Variants in SNAPC3 observed in about 807,000 individuals in gnomAD.
SNAPC3 encodes the protein snRNA-activating protein complex subunit 3.
In SNAPC3, 56 loss-of-function variants were observed where a neutral mutation model predicts 47.7. The observed-to-expected ratio is 1.18, with a 90% CI of 0.95 to 1.47. The LOEUF (loss-of-function observed/expected upper bound fraction) is 1.47, where lower values mean the gene tolerates loss of function less well. SNAPC3 is among the 40% of genes most tolerant of loss of function. The pLI, the probability that SNAPC3 is intolerant of heterozygous loss-of-function variation, is 0.00. For missense variants in SNAPC3, 665 were observed against 511.3 expected (o/e 1.30, Z -2.90); for synonymous variants, 235 against 189.9 (o/e 1.24, Z -1.95).
chr9:15,432,148 T>G (rs1208934980), intron 2 of SNAPC3: 1 of 152,212 alleles, frequency 6.6e-6, no homozygotes. Context: ...GAAAGCTGGA[T>G]TTCTCACTTG....
chr9:15,458,499 C>G (rs1044032948), intron 8 of SNAPC3, among the ~76,000 whole-genome samples: 5 of 152,210 alleles, frequency 3.3e-5, no homozygotes, highest in African/African-American at 1.2e-4. Context: ...GAGCCATGTT[C>G]TTTCTGCCTC....
At chr9:15,439,094 C>G (rs1476919083) in intron 3 of SNAPC3, among the ~76,000 whole-genome samples, 1 of 152,190 alleles carries the variant, frequency 6.6e-6, no homozygotes. Flanking sequence ...ATTGCTGCCT[C>G]AACCTCCTGT....
At chr9:15,465,586 GA>G, downstream of SNAPC3, 1 of 1,566,456 alleles carries the variant, frequency 6.4e-7, no homozygotes, top group Non-Finnish European at 8.7e-7. Flanking sequence ...ATGGCCTGAA[GA>G]AAAGGGGGAA....
downstream of SNAPC3, chr9:15,466,666 G>C: frequency 9.3e-7 from 1 of 1,076,970 alleles, no homozygotes; most frequent in Non-Finnish European, 1.3e-6. Flanking sequence ...GCTTATTATA[G>C]TAAGATAACC....
intron 7 of SNAPC3, 25 bp from the exon 8 acceptor site, chr9:15,457,935 A>G (rs188242190): frequency 1.4e-6 from 2 of 1,381,320 alleles, no homozygotes; most frequent in Admixed American, 4.1e-5. Context: ...TCACCTTAAT[A>G]TCTTTATTTT....
chr9:15,430,992 A>G (rs180688061), intron 2 of SNAPC3, among the ~76,000 whole-genome samples: 23 of 152,294 alleles, frequency 1.5e-4, no homozygotes, highest in African/African-American at 4.6e-4. Context: ...TCTTTTGCCA[A>G]CTAGCACATC....
chr9:15,424,230 A>G (rs558260789), intron 2 of SNAPC3, among the ~76,000 whole-genome samples: 2 of 152,360 alleles, frequency 1.3e-5, no homozygotes, highest in Admixed American at 6.5e-5. Context: ...ACATAAGCAT[A>G]TAGCTTCTAA....
intron 3 of SNAPC3, among the ~76,000 whole-genome samples, chr9:15,437,858 C>T (rs1192275294): frequency 1.3e-5 from 2 of 152,064 alleles, no homozygotes; most frequent in East Asian, 3.9e-4. Context: ...TTGACAAAAG[C>T]CTTTTCATAT....
At chr9:15,462,137 T>C (rs956568574), downstream of SNAPC3, 3 of 152,250 alleles carry the variant, frequency 2.0e-5, no homozygotes, top group African/African-American at 7.2e-5. Context: ...ATTATTGTCA[T>C]AATGCATTAT....
At chr9:15,425,186 C>T (rs915033863) in intron 2 of SNAPC3, among the ~76,000 whole-genome samples, 1 of 152,182 alleles carries the variant, frequency 6.6e-6, no homozygotes. Context: ...TGGCCTCTCT[C>T]CCATCTGAAA....
intron 3 of SNAPC3, among the ~76,000 whole-genome samples, chr9:15,436,208 A>T (rs2032787484): frequency 6.6e-6 from 1 of 152,230 alleles, no homozygotes; most frequent in Non-Finnish European, 1.5e-5. Flanking sequence ...AGTCTAGTTT[A>T]TCTTTTTCTT....
intron 3 of SNAPC3, among the ~76,000 whole-genome samples, chr9:15,437,384 C>T (rs1040885644): frequency 6.6e-6 from 1 of 152,060 alleles, no homozygotes; most frequent in Admixed American, 6.5e-5. Context: ...AGGCGCCCAT[C>T]ACAATGCCTG....
At chr9:15,450,221 A>G (rs181126914) in intron 5 of SNAPC3, among the ~76,000 whole-genome samples, 13 of 152,282 alleles carry the variant, frequency 8.5e-5, no homozygotes, top group Non-Finnish European at 1.6e-4. Flanking sequence ...CACATTTTAC[A>G]TGGGAAAACA....
At chr9:15,431,973 C>T (rs905700964) in intron 2 of SNAPC3, 12 of 139,418 alleles carry the variant, frequency 8.6e-5, no homozygotes, top group African/African-American at 1.8e-4. Flanking sequence ...TATATTGTTC[C>T]GATTTTTAAA....
intron 7 of SNAPC3, among the ~76,000 whole-genome samples, chr9:15,456,885 C>A (rs2034839500): frequency 6.6e-6 from 1 of 152,146 alleles, no homozygotes; most frequent in Non-Finnish European, 1.5e-5. Context: ...ATTGCCATTC[C>A]ATAATACCAA....
intron 2 of SNAPC3, among the ~76,000 whole-genome samples, chr9:15,428,129 A>C (rs1422709861): frequency 3.3e-5 from 5 of 151,304 alleles, no homozygotes; most frequent in Non-Finnish European, 7.4e-5. Context: ...AAAAAAAAAA[A>C]AAAACTGTCA....
downstream of SNAPC3, chr9:15,463,971 G>T (rs1439758412): frequency 1.8e-5 from 3 of 165,882 alleles, no homozygotes; most frequent in African/African-American, 7.2e-5. Context: ...CACAACCTCT[G>T]TGACCAGTTA....
intron 2 of SNAPC3, among the ~76,000 whole-genome samples, chr9:15,431,286 CTCG>C (rs1211151449): frequency 6.6e-6 from 1 of 152,182 alleles, no homozygotes; most frequent in African/African-American, 2.4e-5. Flanking sequence ...CTTTCTCCAG[CTCG>C]TCTGGATCTC....
intron 5 of SNAPC3, among the ~76,000 whole-genome samples, chr9:15,447,938 C>G (rs1282209230): frequency 2.0e-5 from 3 of 152,168 alleles, no homozygotes; most frequent in Non-Finnish European, 4.4e-5. Context: ...GTGTGGTAGA[C>G]TGGCTACCCA....
Sources: allele counts gnomAD v4.1 joint callset (sites outside exome capture counted in the v4.1 genomes callset), GRCh38; gene constraint gnomAD v4.1.1; transcripts MANE v1.5; gene names NCBI Gene and HGNC (gene_info 2026-07-23, HGNC 2026-07-21).